MLIP: variants seen among roughly 807,000 people sequenced by gnomAD.
The protein encoded by MLIP is muscular LMNA interacting protein.
Under a neutral mutation model 84.8 loss-of-function variants are expected in MLIP, and 79 were observed. The observed-to-expected ratio is 0.93, with a 90% CI of 0.78 to 1.12. The LOEUF is 1.12. Among genes scored for constraint, MLIP ranks in the 50% most tolerant of loss-of-function variants. The pLI is 0.00. For synonymous variants in MLIP, 504 were observed against 463.0 expected, an observed-to-expected ratio of 1.09 and a Z score of -1.14; for missense variants, 1,257 against 1,160.6, an observed-to-expected ratio of 1.08 and a Z score of -1.21.
At chr6:54,051,857 A>G (rs1765392815) in intron 1 of MLIP, among the ~76,000 whole-genome samples, 1 of 152,120 alleles carries the variant, frequency 6.6e-6, no homozygotes, top group South Asian at 2.1e-4. Context: ...TATGGCAAGC[A>G]TTTTACATGT....
chr6:54,168,851 GTCTTTTTTTT>G, intron 8 of MLIP, among the ~76,000 whole-genome samples: 1 of 129,782 alleles, frequency 7.7e-6, no homozygotes, highest in Admixed American at 8.2e-5. Flanking sequence ...TAGGGTTGAG[GTCTTTTTTTT>G]TTTTTTTTTT....
intron 1 of MLIP, among the ~76,000 whole-genome samples, chr6:54,082,365 C>T (rs564568907): frequency 1.3e-5 from 2 of 152,096 alleles, no homozygotes; most frequent in African/African-American, 2.4e-5. Flanking sequence ...GAGGAACTGC[C>T]GAACATGTAT....
chr6:54,038,027 C>T (rs939420014), intron 1 of MLIP, among the ~76,000 whole-genome samples: 4 of 151,790 alleles, frequency 2.6e-5, no homozygotes, highest in Admixed American at 1.3e-4. Flanking sequence ...TTATTCACAC[C>T]TCACCTCACT....
intron 12 of MLIP, among the ~76,000 whole-genome samples, chr6:54,251,383 A>G (rs914909509): frequency 2.1e-5 from 3 of 142,544 alleles, no homozygotes; most frequent in Non-Finnish European, 4.5e-5. Flanking sequence ...TAAATCAGGG[A>G]TTAAAAACAC....
At chr6:54,128,621 G>C (rs1771124482) in intron 3 of MLIP, among the ~76,000 whole-genome samples, 1 of 152,134 alleles carries the variant, frequency 6.6e-6, no homozygotes, top group Non-Finnish European at 1.5e-5. Flanking sequence ...GTGTGAGCGA[G>C]ATTATGGGGA....
At chr6:54,179,559 G>C (rs984564801) in intron 9 of MLIP, among the ~76,000 whole-genome samples, 2 of 151,436 alleles carry the variant, frequency 1.3e-5, no homozygotes, top group African/African-American at 4.8e-5. Context: ...TTTATTTTTT[G>C]TGTATCTGTT....
At position 54,218,621 on chromosome 6, in the gene MLIP, G is replaced by GCGATTCT. The variant is rs1404009472; in HGVS notation, c.2719-12091_2719-12085dup. 3.9e-5 allele frequency among the ~76,000 whole-genome samples: 6 copies of GCGATTCT among 152,076 alleles called. 1 individual carries two copies. Among genetic ancestry groups the GCGATTCT allele is most frequent in the African/African-American group, 1.4e-4 (6 of 41,432 alleles). On this transcript the variant is annotated intron_variant, in intron 11 of 13. Transcript: ENST00000502396. ...TGCAGCCTTCATCTTCTGGGTTCAA[G>GCGATTCT]CGATTCTCCTGTGTCAGCCTCCCGG... is the stretch of plus-strand genomic sequence containing the variant.
chr6:54,088,296 C>T (rs1187916383), intron 1 of MLIP, among the ~76,000 whole-genome samples: 1 of 152,014 alleles, frequency 6.6e-6, no homozygotes, highest in African/African-American at 2.4e-5. Flanking sequence ...AGTGGGAGCA[C>T]CAATGGATAA....
At chr6:54,260,199 G>A (rs1010222153) in intron 13 of MLIP, among the ~76,000 whole-genome samples, 3 of 151,692 alleles carry the variant, frequency 2.0e-5, no homozygotes, top group Non-Finnish European at 2.9e-5. Flanking sequence ...ACAAACAGAT[G>A]TTAGATATAT....
intron 1 of MLIP, among the ~76,000 whole-genome samples, chr6:54,078,342 G>A (rs745816863): frequency 6.6e-6 from 1 of 152,150 alleles, no homozygotes; most frequent in Admixed American, 6.5e-5. Flanking sequence ...TGTAATCCCC[G>A]CACTTTGGGA....
At chr6:54,202,291 TA>T in intron 11 of MLIP, 58 bp downstream of exon 11, 9 of 12,210 alleles carry the variant, frequency 7.4e-4, no homozygotes, top group Non-Finnish European at 3.4e-3. Flanking sequence ...ATATATAAAA[TA>T]TATATAAATA....
chr6:54,193,270 C>G (rs1288607899), intron 10 of MLIP, among the ~76,000 whole-genome samples: 1 of 152,070 alleles, frequency 6.6e-6, no homozygotes, highest in Non-Finnish European at 1.5e-5. Context: ...AAATTCCCAC[C>G]TATTCACTGG....
intron 1 of MLIP, chr6:54,083,752 G>A: frequency 1.1e-6 from 1 of 935,818 alleles, no homozygotes; most frequent in Non-Finnish European, 1.6e-6. Flanking sequence ...TGGCATGGCT[G>A]TTTATAATGG....
At chr6:54,129,927 C>T (rs1443972457) in intron 3 of MLIP, among the ~76,000 whole-genome samples, 2 of 152,064 alleles carry the variant, frequency 1.3e-5, no homozygotes, top group African/African-American at 4.8e-5. Flanking sequence ...TTTAGAGGCC[C>T]TACATTCTTT....
chr6:54,175,161 G>T (rs1299922163), intron 9 of MLIP, among the ~76,000 whole-genome samples: 1 of 151,750 alleles, frequency 6.6e-6, no homozygotes, highest in Non-Finnish European at 1.5e-5. Context: ...CTCTGTAGCA[G>T]AATTTGGAGT....
intron 11 of MLIP, among the ~76,000 whole-genome samples, chr6:54,229,727 T>A (rs148556120): frequency 3.3e-5 from 5 of 152,362 alleles, no homozygotes; most frequent in Admixed American, 3.3e-4. Flanking sequence ...CACATAGTAT[T>A]CCATGGTGTA....
chr6:54,252,576 T>C (rs975083444), intron 12 of MLIP, among the ~76,000 whole-genome samples: 2 of 148,236 alleles, frequency 1.3e-5, no homozygotes, highest in African/African-American at 2.5e-5. Context: ...TCATGATATG[T>C]ATATAATCAT....
chr6:54,169,508 T>C lies in MLIP; in HGVS notation c.2500-20T>C. 6.4e-7 allele frequency: 1 copy of C among 1,554,118 alleles called. No homozygotes were observed. The highest frequency in any genetic ancestry group is 8.7e-7 in the Non-Finnish European group (1 of 1,148,836). On this transcript the variant is annotated intron_variant, in intron 8 of 13. Coordinates refer to ENST00000502396, the MANE Select transcript of MLIP (RefSeq NM_001281747.2). ...TTACTTTATTATTTCAGATGTATAA[T>C]TGTTTTTATTTTCATACAGACTCCT...
chr6:54,151,518 A>G (rs746268711), intron 5 of MLIP, among the ~76,000 whole-genome samples: 2 of 152,172 alleles, frequency 1.3e-5, no homozygotes, highest in Non-Finnish European at 2.9e-5. Flanking sequence ...AAGAATAAAA[A>G]TCTTGCAATA....
Sources: allele counts gnomAD v4.1 joint callset (sites outside exome capture counted in the v4.1 genomes callset), GRCh38; gene constraint gnomAD v4.1.1; transcripts MANE v1.5; gene names NCBI Gene and HGNC (gene_info 2026-07-23, HGNC 2026-07-21).